Variants in UCHL5 observed in about 807,000 individuals in gnomAD.
UCHL5 encodes ubiquitin carboxyl-terminal hydrolase isozyme L5.
A neutral mutation model predicts 53.8 loss-of-function variants in UCHL5; 34 were observed. That is an observed-to-expected ratio of 0.63 (90% CI 0.48 to 0.84). The LOEUF (loss-of-function observed/expected upper bound fraction) is 0.84. Ranked by LOEUF, UCHL5 falls within the 40% of genes least tolerant of loss-of-function variation. UCHL5 has a pLI of 0.00. For synonymous variants in UCHL5, 111 were observed against 126.3 expected (o/e 0.88, Z 0.81); for missense variants, 290 against 385.6 (o/e 0.75, Z 2.08).
chr1:193,035,101 T>C (rs1268192799), intron 3 of UCHL5, among the ~76,000 whole-genome samples: 1 of 151,968 alleles, frequency 6.6e-6, no homozygotes, highest in African/African-American at 2.4e-5. Flanking sequence ...TCATTATTTA[T>C]ACCTGATATG....
chr1:193,058,401 A>C (rs1671479063), intron 1 of UCHL5, among the ~76,000 whole-genome samples: 1 of 152,260 alleles, frequency 6.6e-6, no homozygotes, highest in Non-Finnish European at 1.5e-5. Flanking sequence ...AGAGTCAATA[A>C]CACTTGGGAA....
intron 3 of UCHL5, among the ~76,000 whole-genome samples, chr1:193,033,465 G>T (rs1015980144): frequency 6.6e-6 from 1 of 152,020 alleles, no homozygotes; most frequent in East Asian, 1.9e-4. Context: ...ACCATGGCAC[G>T]TGTATACCTA....
chr1:193,030,307 C>A (rs1218230629), intron 3 of UCHL5, among the ~76,000 whole-genome samples: 2 of 152,148 alleles, frequency 1.3e-5, no homozygotes, highest in Non-Finnish European at 2.9e-5. Flanking sequence ...TGCATTATTT[C>A]TTTTAATCCT....
intron 1 of UCHL5, chr1:193,057,445 A>C (rs1670977215): frequency 6.5e-6 from 1 of 153,204 alleles, no homozygotes; most frequent in Non-Finnish European, 1.5e-5. Flanking sequence ...AAACTTATTG[A>C]ATCTAACTCC....
intron 10 of UCHL5, among the ~76,000 whole-genome samples, chr1:193,017,398 T>G (rs982170135): frequency 6.6e-6 from 1 of 151,730 alleles, no homozygotes; most frequent in Non-Finnish European, 1.5e-5. Context: ...TTTAACAGTA[T>G]GATAAAACAG....
intron 1 of UCHL5, among the ~76,000 whole-genome samples, chr1:193,052,867 C>T (rs1036362255): frequency 6.6e-6 from 1 of 152,154 alleles, no homozygotes; most frequent in Non-Finnish European, 1.5e-5. Flanking sequence ...TTAAAACCCA[C>T]ATCAGGTTTC....
intron 3 of UCHL5, 84 bp from the exon 4 acceptor site, chr1:193,029,741 G>T: frequency 9.4e-7 from 1 of 1,061,132 alleles, no homozygotes; most frequent in Non-Finnish European, 1.3e-6. Flanking sequence ...CCCAAAACAT[G>T]AACAGTTTTC....
At chr1:193,033,358 C>G (rs1662188802) in intron 3 of UCHL5, among the ~76,000 whole-genome samples, 1 of 152,034 alleles carries the variant, frequency 6.6e-6, no homozygotes. Context: ...AGGGGAACAT[C>G]ACACACCGGG....
chr1:193,037,706 T>C (rs1664020233), intron 3 of UCHL5, among the ~76,000 whole-genome samples: 2 of 151,992 alleles, frequency 1.3e-5, no homozygotes. Flanking sequence ...CTGATGATAA[T>C]AGATGCAAAA....
chr1:193,017,011 C>G (rs1325339923), intron 10 of UCHL5, among the ~76,000 whole-genome samples: 1 of 151,720 alleles, frequency 6.6e-6, no homozygotes, highest in African/African-American at 2.4e-5. Flanking sequence ...CAAGCTTGAC[C>G]AAAGTCCCAC....
At chr1:193,029,510 G>A in intron 4 of UCHL5, 22 bp downstream of exon 4, 3 of 1,612,598 alleles carry the variant, frequency 1.9e-6, no homozygotes, top group Middle Eastern at 1.7e-4. Context: ...TGACATTTTA[G>A]GAATAAGAAG....
At chr1:193,038,235 T>C (rs1664270748) in intron 3 of UCHL5, among the ~76,000 whole-genome samples, 1 of 151,470 alleles carries the variant, frequency 6.6e-6, no homozygotes, top group African/African-American at 2.4e-5. Context: ...GGCGGGCAGA[T>C]TACGAGGTCA....
At chr1:193,049,074 GTTTTAT>G (rs1668219162) in intron 3 of UCHL5, among the ~76,000 whole-genome samples, 1 of 151,876 alleles carries the variant, frequency 6.6e-6, no homozygotes, top group Non-Finnish European at 1.5e-5. Context: ...TTTTGTTTTT[GTTTTAT>G]AGAGACGGGT....
At chr1:193,052,677 G>C (rs971612630) in intron 1 of UCHL5, among the ~76,000 whole-genome samples, 2 of 152,152 alleles carry the variant, frequency 1.3e-5, no homozygotes, top group African/African-American at 4.8e-5. Context: ...CACACTCACA[G>C]AGCTGTTTGG....
chr1:193,059,015 G>A lies in UCHL5; in HGVS notation c.76+170C>T, dbSNP rs867469228. On this transcript the variant is annotated intron_variant, in intron 1 of 10. Transcript: ENST00000367454. The surrounding 1 kb of genome is among the most constrained non-coding windows in gnomAD (Gnocchi z 4.9). ...TACAAATTACTGTGGAAACGCGACTGTCTCGAGCTGAGGAGAGGGCAGAAC... is the reference window on the plus strand; with the variant it reads ...TACAAATTACTGTGGAAACGCGACTATCTCGAGCTGAGGAGAGGGCAGAAC... Among the ~76,000 whole-genome samples, 3 of 152,216 alleles carry A rather than the reference G, an allele frequency of 2.0e-5. No individual in the cohort carries two copies. The highest frequency in any genetic ancestry group is 3.2e-3 in the Middle Eastern group (1 of 316).
chr1:193,059,028 G>A lies in UCHL5; in HGVS notation c.76+157C>T, dbSNP rs1309992986. Among the ~76,000 whole-genome samples, 2 of 152,240 alleles carry A rather than the reference G, an allele frequency of 1.3e-5. No homozygotes were observed. Among genetic ancestry groups the A allele is most frequent in the African/African-American group, 4.8e-5 (2 of 41,472 alleles). ...GGAAACGCGACTGTCTCGAGCTGAG[G>A]AGAGGGCAGAACATCTACATTTCCC... On this transcript the variant is annotated intron_variant, in intron 1 of 10. Coordinates refer to ENST00000367454, the MANE Select transcript of UCHL5 (RefSeq NM_001199261.3). This position sits in a 1 kb window ranked among gnomAD's most constrained non-coding sequence, Gnocchi z 4.9.
At chr1:193,039,182 C>T (rs751632003) in intron 3 of UCHL5, among the ~76,000 whole-genome samples, 7 of 152,134 alleles carry the variant, frequency 4.6e-5, no homozygotes, top group Non-Finnish European at 7.4e-5. Flanking sequence ...GGGCAGATCA[C>T]TTGAGGCCAA....
rs765855079 is a variant in UCHL5, at chr1:193,049,885, C to T, written c.141-34G>A. On this transcript the variant is annotated intron_variant, in intron 2 of 10. Coordinates refer to ENST00000367454, the MANE Select transcript of UCHL5 (RefSeq NM_001199261.3). ...TAAAATACAAATTAATGACATCAAA[C>T]CCTGCTTCTTTCATAATACATTGTT... 6 of 1,538,010 alleles carry T rather than the reference C, an allele frequency of 3.9e-6. No homozygotes were observed. In the African/African-American group the frequency reaches 8.3e-5, roughly 21 times the overall value.
intron 3 of UCHL5, among the ~76,000 whole-genome samples, chr1:193,037,280 A>G (rs1663878878): frequency 6.6e-6 from 1 of 152,066 alleles, no homozygotes; most frequent in Non-Finnish European, 1.5e-5. Context: ...ATCCAAATAA[A>G]TAAAATCAGA....
Sources: allele counts gnomAD v4.1 joint callset (sites outside exome capture counted in the v4.1 genomes callset), GRCh38; gene constraint gnomAD v4.1.1; non-coding constraint Gnocchi (gnomAD v3.1); transcripts MANE v1.5; gene names NCBI Gene and HGNC (gene_info 2026-07-23, HGNC 2026-07-21).